The following TAF4B variants were observed in gnomAD, a reference collection of about 807,000 sequenced individuals.
TAF4B encodes transcription initiation factor TFIID subunit 4B.
Under a neutral mutation model 86.4 loss-of-function variants are expected in TAF4B, and 38 were observed. The ratio of observed to expected loss-of-function variants is 0.44; its 90% confidence interval spans 0.34 to 0.58. TAF4B has a LOEUF of 0.58. TAF4B is among the 20% of genes least tolerant of loss of function. The probability of loss-of-function intolerance (pLI) is 0.02; values close to 1 mark genes in which losing one functional copy is unlikely to be tolerated. For synonymous variants in TAF4B, 388 were observed against 391.2 expected (o/e 0.99, Z 0.10); for missense variants, 988 against 1,027.6 (o/e 0.96, Z 0.53).
chr18:26,249,943 A>C (rs546032119), intron 1 of TAF4B, among the ~76,000 whole-genome samples: 19 of 152,230 alleles, frequency 1.2e-4, no homozygotes, highest in Middle Eastern at 3.4e-3. Context: ...GGCTGGTCTC[A>C]AACCTCTGGC....
intron 1 of TAF4B, among the ~76,000 whole-genome samples, chr18:26,232,978 T>C (rs1397653671): frequency 6.6e-6 from 1 of 152,160 alleles, no homozygotes; most frequent in African/African-American, 2.4e-5. Context: ...TGAGGGGCAC[T>C]GATAGGGTCT....
intron 13 of TAF4B, among the ~76,000 whole-genome samples, chr18:26,348,120 C>A (rs2057215288): frequency 6.6e-6 from 1 of 152,190 alleles, no homozygotes; most frequent in African/African-American, 2.4e-5. Flanking sequence ...AATACATATT[C>A]TTTCCAGAAG....
At position 26,227,124 on chromosome 18, in the gene TAF4B, C is replaced by G. The variant is rs751863912; in HGVS notation, c.191C>G (p.Ser64Cys). Reference sequence around the variant, plus strand: ...CCCACGGCGTCCCAGCCCCTGCGGTCCCCCGTGGGGACCCTGGTGACCAAA... The same window carrying G: ...CCCACGGCGTCCCAGCCCCTGCGGTGCCCCGTGGGGACCCTGGTGACCAAA... ...VEPTASQPLR[S>C]PVGTLVTKVA... is the part of the protein sequence containing the mutation. Residue 64 changes from serine to cysteine, a missense_variant, in exon 1 of 15, where the codon TCC (serine) becomes TGC (cysteine). Ser to Cys is a moderately radical substitution (Grantham distance 112, BLOSUM62 -1). This residue lies in a region of TAF4B where 747 missense variants were observed against 737.9 expected (regional missense o/e 1.01). Transcript: ENST00000269142. 23 of 1,613,416 alleles carry G rather than the reference C, an allele frequency of 1.4e-5. No homozygotes were observed. The highest frequency in any genetic ancestry group is 1.9e-5 in the Non-Finnish European group (22 of 1,179,804).
chr18:26,286,641 A>C, intron 7 of TAF4B, 142 bp downstream of exon 7: 1 of 841,160 alleles, frequency 1.2e-6, no homozygotes, highest in Non-Finnish European at 1.8e-6. Context: ...TTTTTACCTC[A>C]TTTGCTTTGT....
chr18:26,372,008 C>T (rs543557964), intron 14 of TAF4B, among the ~76,000 whole-genome samples: 1 of 152,184 alleles, frequency 6.6e-6, no homozygotes, highest in East Asian at 1.9e-4. Context: ...ATAGGAGACC[C>T]AAAACACCGT....
chr18:26,244,890 T>C (rs2055898878), intron 1 of TAF4B, among the ~76,000 whole-genome samples: 1 of 152,212 alleles, frequency 6.6e-6, no homozygotes, highest in South Asian at 2.1e-4. Flanking sequence ...GAGTCTCGCT[T>C]GGGCGACATA....
intron 1 of TAF4B, among the ~76,000 whole-genome samples, chr18:26,249,622 A>G (rs1047579709): frequency 7.9e-5 from 12 of 152,132 alleles, no homozygotes; most frequent in Non-Finnish European, 8.8e-5. Flanking sequence ...CACGTTCTCT[A>G]TTTTTCACAT....
chr18:26,356,954 T>G (rs1057219559), intron 13 of TAF4B, among the ~76,000 whole-genome samples: 3 of 152,196 alleles, frequency 2.0e-5, no homozygotes, highest in African/African-American at 7.2e-5. Context: ...CATTCTTGAT[T>G]AAGTATGACG....
At chr18:26,299,147 C>T (rs1219348031) in intron 9 of TAF4B, among the ~76,000 whole-genome samples, 2 of 152,086 alleles carry the variant, frequency 1.3e-5, no homozygotes, top group African/African-American at 4.8e-5. Flanking sequence ...AGGCGTGAGC[C>T]ACCATGCCCA....
intron 13 of TAF4B, among the ~76,000 whole-genome samples, chr18:26,341,597 A>G (rs1327688589): frequency 6.6e-6 from 1 of 152,192 alleles, no homozygotes; most frequent in African/African-American, 2.4e-5. Flanking sequence ...ATGGATGAGT[A>G]GGGTTGACCA....
intron 9 of TAF4B, among the ~76,000 whole-genome samples, chr18:26,313,181 T>C (rs113648066): frequency 1.2e-3 from 190 of 152,328 alleles, no homozygotes; most frequent in African/African-American, 4.2e-3. Context: ...ATCTGAGTTA[T>C]GTATTTTTTG....
chr18:26,256,851 TTTCA>T (rs1482715346), intron 1 of TAF4B, among the ~76,000 whole-genome samples: 4 of 151,228 alleles, frequency 2.6e-5, no homozygotes, highest in Admixed American at 1.3e-4. Context: ...TGTTTTCTAA[TTTCA>T]TTCCATTGTA....
rs149210834 is a variant in TAF4B at position 26,302,612 on chromosome 18, C to T, written c.1832+9081C>T. On this transcript the variant is annotated intron_variant, in intron 9 of 14. Transcript: ENST00000269142. ...TGGTGGCCTCAAGTGATCCTCCTGCCGCATCCTCCCAAAGTGCTGGGATTA... is the reference window on the plus strand; with the variant it reads ...TGGTGGCCTCAAGTGATCCTCCTGCTGCATCCTCCCAAAGTGCTGGGATTA... Among the ~76,000 whole-genome samples, 1,204 of 152,028 alleles carry T rather than the reference C, an allele frequency of 7.9e-3. 14 individuals are homozygous for T. The highest frequency in any genetic ancestry group is 0.027 in the African/African-American group (1,139 of 41,462).
intron 14 of TAF4B, among the ~76,000 whole-genome samples, chr18:26,363,370 CAAAAAAAAAA>C (rs58802058): frequency 5.1e-4 from 18 of 35,094 alleles, no homozygotes; most frequent in Non-Finnish European, 9.4e-5. Flanking sequence ...CTGTCTCTAC[CAAAAAAAAAA>C]AAAAAAAAAA....
chr18:26,270,984 A>T (rs1277668547), intron 3 of TAF4B, among the ~76,000 whole-genome samples: 1 of 152,150 alleles, frequency 6.6e-6, no homozygotes, highest in African/African-American at 2.4e-5. Flanking sequence ...TATTTTTCTT[A>T]GCTAATTTAG....
chr18:26,244,616 A>G (rs1419532333), intron 1 of TAF4B, among the ~76,000 whole-genome samples: 2 of 152,198 alleles, frequency 1.3e-5, no homozygotes, highest in East Asian at 1.9e-4. Context: ...CCAGTACCTC[A>G]GTTGGGGATG....
In TAF4B at chr18:26,265,268, C is replaced by A. The variant is rs749095730; in HGVS notation, c.442C>A (p.Pro148Thr). ...GACCACAAGTAACATAACCTCAAGG[C>A]CAGCAGTACCAGCGAATCCTCAAAC... is the stretch of plus-strand genomic sequence containing the variant. Reference protein sequence around the residue: ...AETTSNITSRPAVPANPQTVK... With the variant: ...AETTSNITSRTAVPANPQTVK... Residue 148 changes from proline to threonine, a missense_variant, in exon 2 of 15, where the codon CCA (proline) becomes ACA (threonine). By Grantham distance (38) the Pro-to-Thr change is conservative. Around this residue, in one of 3 missense-constraint regions of TAF4B, gnomAD observed 747 missense variants for 737.9 expected, o/e 1.01. Coordinates refer to ENST00000269142, the MANE Select transcript of TAF4B (RefSeq NM_005640.3). The A allele has an allele frequency of 6.8e-6, 11 of 1,614,020 alleles. No homozygotes were observed. In the South Asian group the frequency reaches 1.2e-4, roughly 18 times the overall value.
intron 5 of TAF4B, 91 bp from the exon 6 acceptor site, chr18:26,281,880 G>GT: frequency 1.1e-6 from 1 of 904,192 alleles, no homozygotes; most frequent in Non-Finnish European, 1.7e-6. Flanking sequence ...TTTGTGAAAA[G>GT]TTTGCTATGT....
intron 13 of TAF4B, among the ~76,000 whole-genome samples, chr18:26,344,512 A>T (rs1377394716): frequency 6.6e-6 from 1 of 152,222 alleles, no homozygotes; most frequent in Non-Finnish European, 1.5e-5. Context: ...GTGAAGGAAA[A>T]GGAAGAAAAT....
Sources: gnomAD v4.1 joint callset for allele counts (sites outside exome capture counted in the v4.1 genomes callset) on GRCh38, gnomAD v4.1.1 for gene constraint, gnomAD v4.1.1 regional missense constraint, MANE v1.5 for transcripts, NCBI Gene and HGNC (gene_info 2026-07-23, HGNC 2026-07-21) for gene names.